Variants in SLC9A9 observed in about 807,000 individuals in gnomAD.
SLC9A9 encodes the protein solute carrier family 9 member A9.
A neutral mutation model predicts 77.8 loss-of-function variants in SLC9A9; 62 were observed. The observed-to-expected ratio is 0.80, with a 90% CI of 0.65 to 0.98. The LOEUF is 0.98. Among genes scored for constraint, SLC9A9 ranks in the 50% least tolerant of loss-of-function variants. The pLI is 0.00. For synonymous variants in SLC9A9, 320 were observed against 283.5 expected, an observed-to-expected ratio of 1.13 and a Z score of -1.29; for missense variants, 775 against 774.9, an observed-to-expected ratio of 1.00 and a Z score of 0.00.
intron 6 of SLC9A9, among the ~76,000 whole-genome samples, chr3:143,580,770 C>A (rs780724146): frequency 2.0e-5 from 3 of 152,094 alleles, no homozygotes; most frequent in Admixed American, 1.3e-4. Context: ...AACTTTGTAC[C>A]CTTCCTGTGA....
intron 9 of SLC9A9, among the ~76,000 whole-genome samples, chr3:143,551,499 C>T (rs937915458): frequency 9.2e-5 from 14 of 152,206 alleles, no homozygotes; most frequent in Admixed American, 4.6e-4. Context: ...ATGCTGATCC[C>T]TTGGCCTCAA....
chr3:143,328,110 T>A (rs1196238417), intron 14 of SLC9A9, among the ~76,000 whole-genome samples: 1 of 152,218 alleles, frequency 6.6e-6, no homozygotes, highest in Admixed American at 6.5e-5. Context: ...CAATTACATA[T>A]GATACTATAG....
At chr3:143,638,872 G>A (rs570622124) in intron 6 of SLC9A9, among the ~76,000 whole-genome samples, 2 of 152,324 alleles carry the variant, frequency 1.3e-5, no homozygotes, top group South Asian at 4.1e-4. Context: ...AGCCTGTCTT[G>A]TAAATTCATT....
intron 14 of SLC9A9, among the ~76,000 whole-genome samples, chr3:143,312,401 A>T (rs1401337232): frequency 1.3e-5 from 2 of 152,238 alleles, no homozygotes; most frequent in Non-Finnish European, 2.9e-5. Context: ...CTGCTCAAAC[A>T]TTAATCTTTG....
At chr3:143,557,295 A>G (rs1372652074) in intron 8 of SLC9A9, among the ~76,000 whole-genome samples, 5 of 152,106 alleles carry the variant, frequency 3.3e-5, no homozygotes, top group Non-Finnish European at 7.4e-5. Flanking sequence ...AGTCAATTAA[A>G]CCTCTTCTTT....
intron 5 of SLC9A9, among the ~76,000 whole-genome samples, chr3:143,660,671 C>G (rs1007619975): frequency 6.6e-6 from 1 of 152,162 alleles, no homozygotes; most frequent in East Asian, 1.9e-4. Context: ...CTCTGCTCCC[C>G]TCTTACAATA....
intron 14 of SLC9A9, among the ~76,000 whole-genome samples, chr3:143,334,584 C>G (rs2031868403): frequency 6.6e-6 from 1 of 152,126 alleles, no homozygotes; most frequent in Non-Finnish European, 1.5e-5. Context: ...TAGTAGCAAC[C>G]CTTACCTCAT....
intron 12 of SLC9A9, among the ~76,000 whole-genome samples, chr3:143,390,592 G>A (rs986265353): frequency 3.9e-5 from 6 of 152,146 alleles, no homozygotes; most frequent in Admixed American, 6.5e-5. Context: ...GGGGCTTGTC[G>A]GACAGGGGGT....
At chr3:143,465,005 T>C (rs2035259891) in intron 12 of SLC9A9, among the ~76,000 whole-genome samples, 1 of 152,236 alleles carries the variant, frequency 6.6e-6, no homozygotes. Context: ...GATCATCAAC[T>C]TGCTCACTAG....
At chr3:143,441,612 C>T (rs1286283660) in intron 12 of SLC9A9, among the ~76,000 whole-genome samples, 3 of 148,106 alleles carry the variant, frequency 2.0e-5, no homozygotes, top group Non-Finnish European at 4.5e-5. Flanking sequence ...AGTATCTGCA[C>T]TTTTTTTTTT....
intron 5 of SLC9A9, among the ~76,000 whole-genome samples, chr3:143,665,072 C>G (rs1398165553): frequency 6.6e-6 from 1 of 152,166 alleles, no homozygotes; most frequent in Non-Finnish European, 1.5e-5. Flanking sequence ...CAAAATTGAC[C>G]ACATAGGTGG....
At chr3:143,382,182 G>A in intron 12 of SLC9A9, 68 bp from the exon 13 acceptor site, 2 of 1,524,594 alleles carry the variant, frequency 1.3e-6, no homozygotes, top group South Asian at 2.2e-5. Flanking sequence ...TTGTGTGTCA[G>A]ATGACCTAAC....
intron 12 of SLC9A9, among the ~76,000 whole-genome samples, chr3:143,431,810 C>A (rs1023593166): frequency 3.9e-5 from 6 of 152,080 alleles, no homozygotes; most frequent in Admixed American, 2.0e-4. Context: ...CTAAACTCAG[C>A]CCCTCCTACT....
chr3:143,548,023 A>G (rs2036817586), intron 9 of SLC9A9, among the ~76,000 whole-genome samples: 1 of 152,254 alleles, frequency 6.6e-6, no homozygotes, highest in Non-Finnish European at 1.5e-5. Context: ...GTTACCTCTT[A>G]GGTAGAAAGG....
chr3:143,371,845 A>T (rs1457428909), intron 13 of SLC9A9: 1 of 188,092 alleles, frequency 5.3e-6, no homozygotes, highest in African/African-American at 2.4e-5. Flanking sequence ...AGACAACTGG[A>T]TTTGATAAAG....
intron 1 of SLC9A9, among the ~76,000 whole-genome samples, chr3:143,843,817 A>C (rs2009765509): frequency 6.6e-6 from 1 of 152,202 alleles, no homozygotes; most frequent in African/African-American, 2.4e-5. Context: ...AGTGGTACTA[A>C]GTGCACCAGC....
chr3:143,422,419 T>C (rs547935927), intron 12 of SLC9A9, among the ~76,000 whole-genome samples: 2 of 152,310 alleles, frequency 1.3e-5, no homozygotes, highest in South Asian at 4.1e-4. Context: ...TATGCAGCCA[T>C]AAAAAGAATG....
chr3:143,464,469 T>C (rs2035251323), intron 12 of SLC9A9, among the ~76,000 whole-genome samples: 1 of 152,242 alleles, frequency 6.6e-6, no homozygotes, highest in African/African-American at 2.4e-5. Context: ...TTATGTCCTA[T>C]TTCCTGCCCA....
Position 143,566,014 on chromosome 3 carries a change from G to C in SLC9A9, c.1000+8074C>G, listed in dbSNP as rs567101261. Among the ~76,000 whole-genome samples, 5 of 152,176 alleles carry C rather than the reference G, an allele frequency of 3.3e-5. No homozygotes were observed. The South Asian group carries it at 1.0e-3, about 32-fold the overall frequency. Reference sequence around the variant, plus strand: ...GAACACATTCACCTCTGAGCTAAAAGCCTTCTTAAGAGTTTGAAAACAATT... The same window carrying C: ...GAACACATTCACCTCTGAGCTAAAACCCTTCTTAAGAGTTTGAAAACAATT... On this transcript the variant is annotated intron_variant, in intron 8 of 15. Transcript: ENST00000316549.
Sources: gnomAD v4.1 joint callset for allele counts (sites outside exome capture counted in the v4.1 genomes callset) on GRCh38, gnomAD v4.1.1 for gene constraint, MANE v1.5 for transcripts, NCBI Gene and HGNC (gene_info 2026-07-23, HGNC 2026-07-21) for gene names.